The following HPSE2 variants were observed in gnomAD, a reference collection of about 807,000 sequenced individuals.
HPSE2 encodes inactive heparanase-2.
A neutral mutation model predicts 60.5 loss-of-function variants in HPSE2; 38 were observed. The ratio of observed to expected loss-of-function variants is 0.63; its 90% CI spans 0.48 to 0.82. The LOEUF is 0.82. Among genes scored for constraint, HPSE2 ranks in the 40% least tolerant of loss-of-function variants. The probability of loss-of-function intolerance (pLI) is 0.00; values close to 1 mark genes in which losing one functional copy is unlikely to be tolerated. For synonymous variants in HPSE2, 295 were observed against 293.2 expected (o/e 1.01, Z -0.06); for missense variants, 713 against 740.4 (o/e 0.96, Z 0.43).
intron 6 of HPSE2, among the ~76,000 whole-genome samples, chr10:98,673,061 A>AAATATATCAAAATAT (rs1947547698): frequency 1.3e-5 from 2 of 152,356 alleles, no homozygotes; most frequent in African/African-American, 4.8e-5. Context: ...AGATGGTTCC[A>AAATATATCAAAATAT]AAAGATCCTG....
At chr10:99,129,097 T>A (rs1450365273) in intron 3 of HPSE2, among the ~76,000 whole-genome samples, 1 of 151,944 alleles carries the variant, frequency 6.6e-6, no homozygotes, top group Non-Finnish European at 1.5e-5. Flanking sequence ...AACAGGAAAA[T>A]ATCACAATCT....
intron 2 of HPSE2, among the ~76,000 whole-genome samples, chr10:99,200,298 A>G (rs1301108567): frequency 6.6e-6 from 1 of 152,156 alleles, no homozygotes; most frequent in East Asian, 1.9e-4. Flanking sequence ...ACCTGGAAAC[A>G]TGACATCAAA....
intron 3 of HPSE2, among the ~76,000 whole-genome samples, 200 bp from the exon 4 acceptor site, chr10:98,744,256 G>A (rs561748928): frequency 3.9e-5 from 6 of 152,154 alleles, no homozygotes; most frequent in Admixed American, 2.0e-4. Flanking sequence ...GGCTGGGCGC[G>A]GTGGCTCACG....
At chr10:98,996,227 T>C (rs1306481320) in intron 3 of HPSE2, among the ~76,000 whole-genome samples, 3 of 152,192 alleles carry the variant, frequency 2.0e-5, no homozygotes, top group African/African-American at 4.8e-5. Flanking sequence ...TTATGAAAAG[T>C]TGAGTGAAGG....
At chr10:98,615,107 T>C in intron 8 of HPSE2, 89 bp from the exon 9 acceptor site, 1 of 899,434 alleles carries the variant, frequency 1.1e-6, no homozygotes, top group East Asian at 2.5e-5. Flanking sequence ...TATACACATA[T>C]ACACCAATCT....
At chr10:99,002,801 C>A (rs1437149956) in intron 3 of HPSE2, among the ~76,000 whole-genome samples, 1 of 151,876 alleles carries the variant, frequency 6.6e-6, no homozygotes, top group Non-Finnish European at 1.5e-5. Context: ...AATACGTATA[C>A]AAAATAATGT....
chr10:98,993,883 G>A (rs1372474945), intron 3 of HPSE2, among the ~76,000 whole-genome samples: 1 of 152,140 alleles, frequency 6.6e-6, no homozygotes, highest in Non-Finnish European at 1.5e-5. Context: ...TGGTGTCCTA[G>A]ATAGAAGGGC....
At chr10:99,196,065 G>T (rs894037501) in intron 2 of HPSE2, among the ~76,000 whole-genome samples, 1 of 151,840 alleles carries the variant, frequency 6.6e-6, no homozygotes, top group Non-Finnish European at 1.5e-5. Context: ...CCTCTACAGT[G>T]AACTCATTTT....
rs1267654326 is a variant in HPSE2, at chr10:98,457,776, C to G, written c.*1798G>C. The G allele has an allele frequency of 6.6e-6, 1 of 151,830 alleles. No individual in the cohort carries two copies. The highest frequency in any genetic ancestry group is 6.6e-5 in the Admixed American group (1 of 15,214). The allele number at this position is 151,830 out of a possible 1,614,324, so 9.4% of individuals were successfully genotyped here. A position where few individuals can be genotyped will look rare whatever the true frequency, so the allele number is the denominator to read the frequency against. On this transcript the variant is annotated 3_prime_UTR_variant, in exon 12 of 12. Coordinates refer to ENST00000370552, the MANE Select transcript of HPSE2 (RefSeq NM_021828.5). ...GAAGCCTCAGTGGGAGGTGCCTGGT[C>G]CCAGAGAAACGGGTCCCTTCTGGGC... is the stretch of plus-strand genomic sequence containing the variant.
intron 2 of HPSE2, among the ~76,000 whole-genome samples, chr10:99,154,123 T>G (rs1352243486): frequency 6.8e-6 from 1 of 146,602 alleles, no homozygotes; most frequent in Admixed American, 6.9e-5. Context: ...AATCTACGTC[T>G]GATTGGTGTA....
At chr10:98,805,012 C>T (rs1239043115) in intron 3 of HPSE2, among the ~76,000 whole-genome samples, 1 of 152,100 alleles carries the variant, frequency 6.6e-6, no homozygotes, top group Non-Finnish European at 1.5e-5. Flanking sequence ...AGTCATTATG[C>T]TACATGAAAT....
chr10:98,489,943 A>G, intron 10 of HPSE2, 108 bp downstream of exon 10: 1 of 1,358,580 alleles, frequency 7.4e-7, no homozygotes, highest in Admixed American at 1.7e-5. Flanking sequence ...CCAGAGGCAA[A>G]AAGTTTTTGA....
At chr10:99,301,191 G>A in the HPSE2 span, among the ~76,000 whole-genome samples, 1 of 152,134 alleles carries the variant, frequency 6.6e-6, no homozygotes, top group African/African-American at 2.4e-5. Context: ...AGCTTACCTA[G>A]ACAGTTCTTC....
chr10:98,978,125 A>G (rs898337457), intron 3 of HPSE2, among the ~76,000 whole-genome samples: 1 of 152,140 alleles, frequency 6.6e-6, no homozygotes, highest in Non-Finnish European at 1.5e-5. Flanking sequence ...CTGAGATTTT[A>G]ATCACTACTA....
chr10:98,945,384 T>A lies in HPSE2; in HGVS notation c.610+198854A>T, dbSNP rs561668709. Among the ~76,000 whole-genome samples, 12 of 152,286 alleles carry A rather than the reference T, an allele frequency of 7.9e-5. No homozygotes were observed. In the South Asian group the frequency reaches 2.5e-3, roughly 32 times the overall value. On this transcript the variant is annotated intron_variant, in intron 3 of 11. Coordinates refer to ENST00000370552, the MANE Select transcript of HPSE2 (RefSeq NM_021828.5). ...TTTAAAAAATGACCTTTGGCTCACATTTGATCTGCTGATAGCTTTCTCTAC... is the reference window on the plus strand; with the variant it reads ...TTTAAAAAATGACCTTTGGCTCACAATTGATCTGCTGATAGCTTTCTCTAC...
intron 2 of HPSE2, among the ~76,000 whole-genome samples, chr10:99,149,057 A>G (rs751262289): frequency 2.8e-4 from 43 of 152,156 alleles, no homozygotes; most frequent in Non-Finnish European, 4.9e-4. Flanking sequence ...ACAAAAAAAA[A>G]TAGCTGAAAC....
chr10:99,039,072 T>C (rs1221898230), intron 3 of HPSE2, among the ~76,000 whole-genome samples: 1 of 152,182 alleles, frequency 6.6e-6, no homozygotes, highest in African/African-American at 2.4e-5. Context: ...AGTTTACTAG[T>C]TTCCACTGCT....
chr10:99,185,286 A>G (rs997811792), intron 2 of HPSE2, among the ~76,000 whole-genome samples: 1 of 152,046 alleles, frequency 6.6e-6, no homozygotes, highest in Non-Finnish European at 1.5e-5. Flanking sequence ...CCTGGGTGAC[A>G]GAGCAAAGAC....
At chr10:99,131,481 T>G (rs1207753959) in intron 3 of HPSE2, among the ~76,000 whole-genome samples, 2 of 151,770 alleles carry the variant, frequency 1.3e-5, no homozygotes, top group East Asian at 3.9e-4. Context: ...TGATATATAT[T>G]TATATATGTG....
Sources: gnomAD v4.1 joint callset for allele counts (sites outside exome capture counted in the v4.1 genomes callset) on GRCh38, gnomAD v4.1.1 for gene constraint, MANE v1.5 for transcripts, NCBI Gene and HGNC (gene_info 2026-07-23, HGNC 2026-07-21) for gene names.